Variants in RBFOX1 observed in about 807,000 individuals in gnomAD.
RBFOX1 encodes RNA binding fox-1 homolog 1.
RBFOX1 carries 8 observed loss-of-function variants against 57.7 expected under a neutral mutation model. The observed-to-expected ratio is 0.14, with a 90% CI of 0.08 to 0.25. The LOEUF (loss-of-function observed/expected upper bound fraction) is 0.25, where lower values mean the gene tolerates loss of function less well. RBFOX1 is among the 10% of genes least tolerant of loss of function. The probability of loss-of-function intolerance (pLI) is 1.00; values close to 1 mark genes in which losing one functional copy is unlikely to be tolerated. For synonymous variants in RBFOX1, 326 were observed against 222.4 expected (o/e 1.47, Z -4.15); for missense variants, 611 against 548.5 (o/e 1.11, Z -1.14).
chr16:5,752,255 A>C (rs2053235036), intron 3 of RBFOX1, among the ~76,000 whole-genome samples: 1 of 152,186 alleles, frequency 6.6e-6, no homozygotes, highest in African/African-American at 2.4e-5. Flanking sequence ...GGAGAAATAC[A>C]CACTGGGACC....
intron 4 of RBFOX1, among the ~76,000 whole-genome samples, chr16:7,401,502 G>A (rs762771850): frequency 6.6e-6 from 1 of 152,134 alleles, no homozygotes; most frequent in East Asian, 1.9e-4. Flanking sequence ...AACAGATTAG[G>A]TAGGTAAAAA....
At chr16:5,527,087 C>G (rs2044277698) in intron 2 of RBFOX1, among the ~76,000 whole-genome samples, 1 of 152,188 alleles carries the variant, frequency 6.6e-6, no homozygotes, top group African/African-American at 2.4e-5. Context: ...AAACCCAACT[C>G]TCACCAGTCT....
chr16:7,331,712 C>A (rs1443178940), intron 4 of RBFOX1, among the ~76,000 whole-genome samples: 1 of 152,092 alleles, frequency 6.6e-6, no homozygotes, highest in Non-Finnish European at 1.5e-5. Context: ...AATGAGTGAA[C>A]AGGGTTCAGA....
chr16:6,429,998 C>A (rs1410163058), intron 2 of RBFOX1, among the ~76,000 whole-genome samples: 1 of 151,992 alleles, frequency 6.6e-6, no homozygotes, highest in Non-Finnish European at 1.5e-5. Flanking sequence ...ATCCCAGCTA[C>A]TTGGGAGGCT....
At chr16:5,611,464 T>C (rs1363694605) in intron 3 of RBFOX1, 3 of 152,228 alleles carry the variant, frequency 2.0e-5, no homozygotes, top group Non-Finnish European at 4.4e-5. Flanking sequence ...CCTGCCTCCC[T>C]ACCAGCGTTG....
rs183023034 is a variant in RBFOX1 at position 5,804,337 on chromosome 16, A to G, written c.319-62966A>G. ...GATGGATGGATGAACAAATGAATGA[A>G]TACACAAGTGAATACATAAACTTAG... On this transcript the variant is annotated intron_variant, in intron 3 of 19. Transcript: ENST00000641259. Among the ~76,000 whole-genome samples, 24 of 152,346 alleles carry G rather than the reference A, an allele frequency of 1.6e-4. 1 individual carries two copies. In the East Asian group the frequency reaches 3.1e-3, roughly 20 times the overall value.
At chr16:6,827,816 A>T (rs1487837570) in intron 3 of RBFOX1, among the ~76,000 whole-genome samples, 1 of 152,198 alleles carries the variant, frequency 6.6e-6, no homozygotes, top group Admixed American at 6.5e-5. Context: ...TCGCTTCTGC[A>T]GGAATGCCTG....
At chr16:7,550,439 C>G (rs1392493757) in intron 5 of RBFOX1, among the ~76,000 whole-genome samples, 1 of 152,166 alleles carries the variant, frequency 6.6e-6, no homozygotes, top group African/African-American at 2.4e-5. Context: ...TTTGTAGCAG[C>G]AGAGCCGTGT....
At chr16:6,594,102 C>G (rs1030935600) in intron 2 of RBFOX1, among the ~76,000 whole-genome samples, 3 of 152,156 alleles carry the variant, frequency 2.0e-5, no homozygotes, top group Non-Finnish European at 4.4e-5. Flanking sequence ...GTGTCCTCAT[C>G]ATGTTGAAGT....
intron 1 of RBFOX1, among the ~76,000 whole-genome samples, chr16:6,237,549 C>G (rs986697697): frequency 6.6e-6 from 1 of 152,102 alleles, no homozygotes; most frequent in African/African-American, 2.4e-5. Flanking sequence ...CAAGACCAGC[C>G]TTGCCAAGAT....
chr16:6,525,230 G>A (rs946150488), intron 2 of RBFOX1, among the ~76,000 whole-genome samples: 2 of 152,180 alleles, frequency 1.3e-5, no homozygotes, highest in East Asian at 1.9e-4. Context: ...AGAACTGTGT[G>A]ATGTCACTGA....
At chr16:6,601,311 C>T (rs559520892) in intron 2 of RBFOX1, among the ~76,000 whole-genome samples, 1 of 152,174 alleles carries the variant, frequency 6.6e-6, no homozygotes, top group East Asian at 1.9e-4. Context: ...TTCTTACACT[C>T]TCCCCTCTCT....
intron 1 of RBFOX1, among the ~76,000 whole-genome samples, chr16:5,294,986 C>T (rs1359987530): frequency 7.1e-6 from 1 of 140,250 alleles, no homozygotes; most frequent in Non-Finnish European, 1.6e-5. Flanking sequence ...GCCGAGATCG[C>T]ACCATTGCAC....
intron 3 of RBFOX1, among the ~76,000 whole-genome samples, chr16:6,938,515 A>G (rs561571542): frequency 6.6e-6 from 1 of 152,336 alleles, no homozygotes; most frequent in African/African-American, 2.4e-5. Context: ...TAAGGATTAA[A>G]TAAGGTAAAT....
intron 2 of RBFOX1, among the ~76,000 whole-genome samples, chr16:6,596,122 G>A (rs1441846505): frequency 2.0e-5 from 3 of 151,928 alleles, no homozygotes; most frequent in African/African-American, 7.3e-5. Context: ...ATTAAAAAAT[G>A]GATACAGTCC....
intron 3 of RBFOX1, among the ~76,000 whole-genome samples, chr16:5,684,241 C>G (rs1475855832): frequency 6.6e-6 from 1 of 152,106 alleles, no homozygotes; most frequent in Non-Finnish European, 1.5e-5. Context: ...TTGGTATGCT[C>G]TCTTTGCAGA....
At chr16:6,049,008 ATCCT>A (rs2152431585) in intron 1 of RBFOX1, among the ~76,000 whole-genome samples, 1 of 149,262 alleles carries the variant, frequency 6.7e-6, no homozygotes, top group South Asian at 2.1e-4. Context: ...TTTGATGATC[ATCCT>A]TGTGCCATTT....
intron 1 of RBFOX1, among the ~76,000 whole-genome samples, chr16:5,443,643 C>G (rs563227608): frequency 4.6e-5 from 7 of 152,294 alleles, no homozygotes; most frequent in African/African-American, 1.2e-4. Context: ...CCTGGCCCAT[C>G]TGAATTCTTA....
chr16:7,143,431 A>C (rs914157642), intron 4 of RBFOX1, among the ~76,000 whole-genome samples: 2 of 152,142 alleles, frequency 1.3e-5, no homozygotes, highest in African/African-American at 2.4e-5. Context: ...AGTCAATTTA[A>C]AATAAAATGT....
Sources: gnomAD v4.1 joint callset for allele counts (sites outside exome capture counted in the v4.1 genomes callset) on GRCh38, gnomAD v4.1.1 for gene constraint, MANE v1.5 for transcripts, NCBI Gene and HGNC (gene_info 2026-07-23, HGNC 2026-07-21) for gene names.